The following HDAC9 variants were observed in gnomAD, a reference collection of about 807,000 sequenced individuals.
The protein encoded by HDAC9 is histone deacetylase 9.
Under a neutral mutation model 139.4 loss-of-function variants are expected in HDAC9, and 41 were observed. The ratio of observed to expected loss-of-function variants is 0.29; its 90% CI spans 0.23 to 0.38. HDAC9 has a LOEUF of 0.38. Among genes scored for constraint, HDAC9 ranks in the 10% least tolerant of loss-of-function variants. The pLI, the probability that HDAC9 is intolerant of heterozygous loss-of-function variation, is 1.00. For missense variants in HDAC9, 1,147 were observed against 1,297.0 expected, an observed-to-expected ratio of 0.88 and a Z score of 1.78; for synonymous variants, 517 against 476.2, an observed-to-expected ratio of 1.09 and a Z score of -1.12.
chr7:18,334,069 T>G (rs1490086409), intron 1 of HDAC9, among the ~76,000 whole-genome samples: 1 of 151,378 alleles, frequency 6.6e-6, no homozygotes, highest in Non-Finnish European at 1.5e-5. Context: ...CATTTGAGGA[T>G]TACTTCTCAA....
chr7:18,132,671 T>G (rs1264762748), intron 1 of HDAC9, among the ~76,000 whole-genome samples: 1 of 152,182 alleles, frequency 6.6e-6, no homozygotes, highest in Non-Finnish European at 1.5e-5. Context: ...GACAGCATGT[T>G]CCTTCAACTA....
rs549970133 is a variant in HDAC9, at chr7:18,985,316, G to A, written c.3170+9363G>A. ...TTCCCACCTATGAGTGAGAATATGC[G>A]GTGTTTGGTTTTTTGTTCTTGCGAT... is the stretch of plus-strand genomic sequence containing the variant. On this transcript the variant is annotated intron_variant, in intron 25 of 25. Transcript: ENST00000686413. Among the ~76,000 whole-genome samples the A allele has an allele frequency of 1.7e-3, 265 of 151,996 alleles. 2 individuals carry two copies. Among genetic ancestry groups the A allele is most frequent in the Non-Finnish European group, 2.9e-3 (198 of 67,986 alleles).
chr7:18,980,817 G>A (rs543717576), intron 25 of HDAC9, among the ~76,000 whole-genome samples: 11 of 104,214 alleles, frequency 1.1e-4, no homozygotes, highest in South Asian at 5.9e-4. Flanking sequence ...CTTCTCCTCC[G>A]TCTCCTTCTT....
chr7:18,977,925 C>T (rs1267695776), intron 25 of HDAC9, among the ~76,000 whole-genome samples: 1 of 65,092 alleles, frequency 1.5e-5, no homozygotes, highest in Non-Finnish European at 4.5e-5. Context: ...GACAGACACA[C>T]ACACACACAC....
intron 9 of HDAC9, 123 bp from the exon 10 acceptor site, chr7:18,647,662 A>G (rs1787863576): frequency 2.7e-6 from 2 of 736,982 alleles, no homozygotes; most frequent in Non-Finnish European, 4.3e-6. Flanking sequence ...CTGCTCAGCC[A>G]TTGGGTAAGA....
At chr7:18,229,832 TTTGATGAAGTCACACTTCA>T (rs1283313573) in intron 2 of HDAC9, among the ~76,000 whole-genome samples, 3 of 152,190 alleles carry the variant, frequency 2.0e-5, no homozygotes, top group Non-Finnish European at 4.4e-5. Flanking sequence ...AATTCTTCAA[TTTGATGAAGTCACACTTCA>T]TCTAACTGGG....
Position 18,347,876 on chromosome 7 carries a change from C to T in HDAC9, c.-42+57361C>T, listed in dbSNP as rs553615907. 6.5e-4 allele frequency among the ~76,000 whole-genome samples: 99 copies of T among 152,202 alleles called. 1 individual carries two copies. The East Asian group carries it at 0.018, about 28-fold the overall frequency. ...ACAGGCACGAGCCACTGCACCTGGC[C>T]GGCAGTATGTTTTTAATCTGTATCT... On this transcript the variant is annotated intron_variant, in intron 1 of 3. Transcript: ENST00000413509.
chr7:18,993,104 C>G (rs1345376733), intron 25 of HDAC9, among the ~76,000 whole-genome samples: 4 of 81,318 alleles, frequency 4.9e-5, no homozygotes, highest in African/African-American at 2.0e-4. Context: ...CTAAATGTTC[C>G]ATAAAGAAAT....
intron 12 of HDAC9, chr7:18,666,693 C>G (rs891894587): frequency 1.5e-5 from 20 of 1,295,520 alleles, no homozygotes; most frequent in Non-Finnish European, 2.0e-5. Flanking sequence ...ATCAATGTTT[C>G]ATTGAAAATC....
At chr7:18,555,708 A>G (rs1172279130) in intron 2 of HDAC9, among the ~76,000 whole-genome samples, 1 of 152,112 alleles carries the variant, frequency 6.6e-6, no homozygotes, top group Non-Finnish European at 1.5e-5. Context: ...CCTAATTTCT[A>G]CAATACCCAT....
chr7:18,201,059 A>G (rs1791080999), intron 2 of HDAC9, among the ~76,000 whole-genome samples: 1 of 152,174 alleles, frequency 6.6e-6, no homozygotes, highest in Non-Finnish European at 1.5e-5. Flanking sequence ...AGCCAGGCCC[A>G]GTTCCTTAGT....
chr7:18,092,840 A>G (rs1191651950), intron 1 of HDAC9, among the ~76,000 whole-genome samples: 1 of 152,198 alleles, frequency 6.6e-6, no homozygotes, highest in Non-Finnish European at 1.5e-5. Flanking sequence ...GTGATAAGAA[A>G]GGAGTAGAAA....
chr7:18,653,591 G>A (rs894280186), intron 11 of HDAC9, among the ~76,000 whole-genome samples: 1 of 151,996 alleles, frequency 6.6e-6, no homozygotes, highest in African/African-American at 2.4e-5. Context: ...TGATACTTAG[G>A]CATTTTGACA....
At chr7:18,749,670 G>A (rs933640369) in intron 14 of HDAC9, among the ~76,000 whole-genome samples, 4 of 152,092 alleles carry the variant, frequency 2.6e-5, no homozygotes, top group East Asian at 1.9e-4. Context: ...TTCAGTAGGC[G>A]CTTGGTGAAT....
chr7:18,809,023 A>G (rs889299014), intron 17 of HDAC9, among the ~76,000 whole-genome samples: 7 of 152,134 alleles, frequency 4.6e-5, no homozygotes, highest in African/African-American at 1.7e-4. Context: ...TGGAGAGCCC[A>G]GCAGTAAAAT....
intron 2 of HDAC9, among the ~76,000 whole-genome samples, chr7:18,194,721 C>T (rs1231302050): frequency 1.3e-5 from 2 of 152,170 alleles, no homozygotes; most frequent in African/African-American, 4.8e-5. Context: ...AGGCAAACAG[C>T]TGTTCTCATA....
At chr7:18,471,873 C>G (rs1029888273) in intron 1 of HDAC9, among the ~76,000 whole-genome samples, 5 of 151,998 alleles carry the variant, frequency 3.3e-5, no homozygotes, top group African/African-American at 1.2e-4. Flanking sequence ...TAGGAAGATG[C>G]AACTAGTTTA....
At chr7:18,112,533 TCTTA>T (rs1302011056) in intron 1 of HDAC9, among the ~76,000 whole-genome samples, 1 of 152,228 alleles carries the variant, frequency 6.6e-6, no homozygotes, top group East Asian at 1.9e-4. Flanking sequence ...TTCACTTTCT[TCTTA>T]CTTATTAATG....
intron 6 of HDAC9, among the ~76,000 whole-genome samples, chr7:18,604,576 A>C (rs1834918278): frequency 6.6e-6 from 1 of 150,672 alleles, no homozygotes; most frequent in Non-Finnish European, 1.5e-5. Flanking sequence ...TTTTTTTTTA[A>C]TTTTTAGTAG....
Sources: allele counts gnomAD v4.1 joint callset (sites outside exome capture counted in the v4.1 genomes callset), GRCh38; gene constraint gnomAD v4.1.1; transcripts MANE v1.5; gene names NCBI Gene and HGNC (gene_info 2026-07-23, HGNC 2026-07-21).